The following SNX18 variants were observed in gnomAD, a reference collection of about 807,000 sequenced individuals.
SNX18 encodes sorting nexin-18.
A neutral mutation model predicts 48.7 loss-of-function variants in SNX18; 35 were observed. That is an observed-to-expected ratio of 0.72 (90% CI 0.55 to 0.95). The LOEUF is 0.95. Ranked by LOEUF, SNX18 falls within the 40% of genes least tolerant of loss-of-function variation. The probability of loss-of-function intolerance (pLI) is 0.00; values close to 1 mark genes in which losing one functional copy is unlikely to be tolerated. For synonymous variants in SNX18, 492 were observed against 384.7 expected (o/e 1.28, Z -3.26); for missense variants, 824 against 871.0 (o/e 0.95, Z 0.68).
chr5:54,521,407 A>C (rs550922492), intron 1 of SNX18, among the ~76,000 whole-genome samples: 1 of 152,226 alleles, frequency 6.6e-6, no homozygotes, highest in Admixed American at 6.5e-5. Context: ...TACTTAGTCT[A>C]TTAAACCATC....
chr5:54,583,960 CCACAGCAGAGCCCTTGA>C, the SNX18 span, among the ~76,000 whole-genome samples: 1 of 152,154 alleles, frequency 6.6e-6, no homozygotes, highest in African/African-American at 2.4e-5. Context: ...GCTTGGCGAG[CCACAGCAGAGCCCTTGA>C]CACTGACTGC....
the SNX18 span, among the ~76,000 whole-genome samples, chr5:54,570,267 G>A: frequency 6.6e-6 from 1 of 152,220 alleles, no homozygotes; most frequent in Non-Finnish European, 1.5e-5. Context: ...GGTAGGCAGA[G>A]CCAAGGAGGA....
the SNX18 span, among the ~76,000 whole-genome samples, chr5:54,584,198 G>A: frequency 7.5e-6 from 1 of 133,756 alleles, no homozygotes; most frequent in Admixed American, 6.9e-5. Flanking sequence ...CTACAGGCAT[G>A]TGCCAGCACA....
the SNX18 span, among the ~76,000 whole-genome samples, chr5:54,599,866 G>A: frequency 3.3e-5 from 5 of 152,002 alleles, no homozygotes; most frequent in East Asian, 1.9e-4. Flanking sequence ...AATGTCAAAC[G>A]CAAAACTATA....
At chr5:54,600,787 T>C in the SNX18 span, among the ~76,000 whole-genome samples, 1 of 152,070 alleles carries the variant, frequency 6.6e-6, no homozygotes, top group Non-Finnish European at 1.5e-5. Context: ...TGGGATCGCA[T>C]GGACACAGAG....
At chr5:54,605,154 A>T in the SNX18 span, among the ~76,000 whole-genome samples, 1 of 152,062 alleles carries the variant, frequency 6.6e-6, no homozygotes, top group African/African-American at 2.4e-5. Flanking sequence ...ACTGGACTTT[A>T]TTCTACCTTA....
downstream of SNX18, chr5:54,546,694 CT>C (rs1429898624): frequency 2.2e-4 from 33 of 152,328 alleles, no homozygotes; most frequent in African/African-American, 7.5e-4. Context: ...TGAGCTTCAT[CT>C]GCAGTTACCA....
At chr5:54,639,621 G>A in the SNX18 span, among the ~76,000 whole-genome samples, 1 of 151,926 alleles carries the variant, frequency 6.6e-6, no homozygotes, top group South Asian at 2.1e-4. Context: ...CGAGAATCTT[G>A]AGGACCAGAA....
chr5:54,553,875 G>A, the SNX18 span, among the ~76,000 whole-genome samples: 1 of 152,230 alleles, frequency 6.6e-6, no homozygotes, highest in Non-Finnish European at 1.5e-5. Flanking sequence ...GCCTCTCCAT[G>A]CACTCTGGGG....
the SNX18 span, among the ~76,000 whole-genome samples, chr5:54,599,939 G>A: frequency 1.6e-4 from 24 of 152,294 alleles, no homozygotes; most frequent in African/African-American, 5.5e-4. Context: ...AAGATTTCAT[G>A]ATAAAATCAC....
chr5:54,561,573 C>G, the SNX18 span, among the ~76,000 whole-genome samples: 1 of 150,712 alleles, frequency 6.6e-6, no homozygotes, highest in African/African-American at 2.4e-5. Context: ...CTCCTGGCCT[C>G]AAGTGATCCT....
chr5:54,640,681 C>T, the SNX18 span, among the ~76,000 whole-genome samples: 71 of 152,210 alleles, frequency 4.7e-4, no homozygotes, highest in African/African-American at 1.6e-3. Context: ...GGGGGCAACT[C>T]AAAAGAGGGT....
the SNX18 span, among the ~76,000 whole-genome samples, chr5:54,559,103 G>A: frequency 6.6e-6 from 1 of 152,126 alleles, no homozygotes; most frequent in African/African-American, 2.4e-5. Context: ...AACATTCCAT[G>A]CTCATGGATA....
At chr5:54,632,918 G>A in the SNX18 span, among the ~76,000 whole-genome samples, 2 of 152,012 alleles carry the variant, frequency 1.3e-5, no homozygotes, top group Non-Finnish European at 2.9e-5. Flanking sequence ...GGGATTACAG[G>A]CAACCGCCAC....
the SNX18 span, among the ~76,000 whole-genome samples, chr5:54,562,158 G>A: frequency 6.6e-6 from 1 of 152,146 alleles, no homozygotes; most frequent in African/African-American, 2.4e-5. Context: ...ACAGCTCTTT[G>A]CGGGCGGGCA....
chr5:54,647,541 C>T, the SNX18 span, among the ~76,000 whole-genome samples: 3,289 of 152,194 alleles, frequency 0.022, 48 homozygotes, highest in Middle Eastern at 0.062. Flanking sequence ...GAACTATAAG[C>T]AGTTGAAGTT....
At chr5:54,595,042 T>C in the SNX18 span, among the ~76,000 whole-genome samples, 1 of 152,224 alleles carries the variant, frequency 6.6e-6, no homozygotes, top group Admixed American at 6.5e-5. Context: ...GTGGTGTATA[T>C]ATACTACATT....
the SNX18 span, among the ~76,000 whole-genome samples, chr5:54,561,181 T>C: frequency 3.9e-5 from 6 of 152,132 alleles, no homozygotes; most frequent in African/African-American, 1.4e-4. Flanking sequence ...TAGCTGGGAT[T>C]ACAGGCCTGC....
the SNX18 span, among the ~76,000 whole-genome samples, chr5:54,633,243 G>A: frequency 5.9e-5 from 9 of 152,182 alleles, no homozygotes; most frequent in African/African-American, 1.7e-4. Flanking sequence ...CAGTGAAATC[G>A]TATCTCAAGC....
Sources: gnomAD v4.1 joint callset for allele counts (sites outside exome capture counted in the v4.1 genomes callset) on GRCh38, gnomAD v4.1.1 for gene constraint, MANE v1.5 for transcripts, NCBI Gene and HGNC (gene_info 2026-07-23, HGNC 2026-07-21) for gene names.